Variants in MAST2 observed in about 807,000 individuals in gnomAD.
The protein encoded by MAST2 is microtubule associated serine/threonine kinase 2, also known as microtubule-associated serine/threonine-protein kinase 2.
A neutral mutation model predicts 147.4 loss-of-function variants in MAST2; 70 were observed. That is an observed-to-expected ratio of 0.47 (90% CI 0.39 to 0.58). MAST2 has a LOEUF of 0.58. MAST2 is among the 20% of genes least tolerant of loss of function. MAST2 has a pLI of 0.00. For missense variants in MAST2, 2,080 were observed against 2,302.3 expected (o/e 0.90, Z 1.98); for synonymous variants, 869 against 896.8 (o/e 0.97, Z 0.55).
At chr1:45,902,300 C>T (rs114493050) in intron 4 of MAST2, among the ~76,000 whole-genome samples, 4,667 of 152,100 alleles carry the variant, frequency 0.031, 234 homozygotes, top group African/African-American at 0.11. Flanking sequence ...GATTTGTGTA[C>T]GCTGAACCAT....
intron 4 of MAST2, among the ~76,000 whole-genome samples, chr1:45,911,661 T>C (rs1201401691): frequency 6.6e-6 from 1 of 152,036 alleles, no homozygotes; most frequent in African/African-American, 2.4e-5. Context: ...ACCATTGGCA[T>C]GATCTTAACT....
intron 15 of MAST2, 26 bp from the exon 16 acceptor site, chr1:46,025,651 C>G (rs750438479): frequency 1.9e-6 from 3 of 1,613,656 alleles, no homozygotes; most frequent in Non-Finnish European, 2.5e-6. Context: ...GAATCCTTTC[C>G]TCATGGTAGC....
intron 3 of MAST2, among the ~76,000 whole-genome samples, chr1:45,876,294 A>G (rs894007607): frequency 1.3e-5 from 2 of 152,240 alleles, no homozygotes; most frequent in Non-Finnish European, 2.9e-5. Context: ...AACTCATTCA[A>G]GAAGTGTGGT....
intron 5 of MAST2, among the ~76,000 whole-genome samples, chr1:45,987,974 A>T (rs1644716428): frequency 3.3e-5 from 5 of 151,672 alleles, no homozygotes; most frequent in Admixed American, 3.3e-4. Context: ...GTAGTGATAT[A>T]ATTTTCCCCC....
At chr1:45,909,675 G>A (rs907908281) in intron 4 of MAST2, among the ~76,000 whole-genome samples, 4 of 151,722 alleles carry the variant, frequency 2.6e-5, no homozygotes, top group African/African-American at 4.8e-5. Flanking sequence ...GCGCCCCCAC[G>A]CCCAGCTAAT....
Position 46,029,510 on chromosome 1 carries a change from G to A in MAST2, c.2263G>A (p.Ala755Thr), listed in dbSNP as rs748961829. The A allele has an allele frequency of 2.5e-6, 4 of 1,613,908 alleles. 1 individual carries two copies. Among genetic ancestry groups the A allele is most frequent in the East Asian group, 2.2e-5 (1 of 44,886 alleles). Residue 755 changes from alanine (A) to threonine (T), a missense_variant, in exon 19 of 29, where the codon GCC (alanine) becomes ACC (threonine). Ala to Thr is a moderately conservative substitution (Grantham distance 58). Coordinates refer to ENST00000361297, the MANE Select transcript of MAST2 (RefSeq NM_015112.3). The part of the protein sequence containing the change: ...PEGDEALPPD[A>T]QDLTSKLLHQ... ...GGGTGATGAGGCACTGCCCCCAGAC[G>A]CCCAGGACCTCACCTCCAAACTGCT...
intron 5 of MAST2, among the ~76,000 whole-genome samples, chr1:45,982,525 G>A (rs1223668780): frequency 6.6e-6 from 1 of 152,222 alleles, no homozygotes; most frequent in African/African-American, 2.4e-5. Flanking sequence ...GCTCAGTAGA[G>A]CTTCCTGGTT....
chr1:45,842,178 C>G (rs1645298203), intron 3 of MAST2, among the ~76,000 whole-genome samples: 1 of 152,132 alleles, frequency 6.6e-6, no homozygotes, highest in African/African-American at 2.4e-5. Flanking sequence ...GAATGAGCCA[C>G]TGTACCTGGC....
chr1:46,035,986 A>G lies in MAST2; in HGVS notation c.5317A>G (p.Arg1773Gly). The G allele has an allele frequency of 6.2e-7, 1 of 1,613,898 alleles. No individual in the cohort carries two copies. Among genetic ancestry groups the G allele is most frequent in the Non-Finnish European group, 8.5e-7 (1 of 1,180,040 alleles). ...CACCCAGAAGTCTGAGCCCAGCCTC[A>G]GGAGGGGCCAAGAACCAGGGGGCCA... Reference protein sequence around the residue: ...PLTQKSEPSLRRGQEPGGHQK... With the variant: ...PLTQKSEPSLGRGQEPGGHQK... Residue 1773 changes from arginine (R) to glycine (G), a missense_variant, in exon 29 of 29, where the codon AGG becomes GGG. Physicochemically the swap from Arg to Gly is moderately radical, Grantham distance 125. This residue lies in a region of MAST2 where 1,278 missense variants were observed against 1,304.2 expected (regional missense o/e 0.98). Coordinates refer to ENST00000361297, the MANE Select transcript of MAST2 (RefSeq NM_015112.3). The surrounding 1 kb of genome is among the most constrained non-coding windows in gnomAD (Gnocchi z 5.5).
intron 4 of MAST2, among the ~76,000 whole-genome samples, chr1:45,952,227 C>T (rs1659031787): frequency 6.6e-6 from 1 of 152,140 alleles, no homozygotes; most frequent in Non-Finnish European, 1.5e-5. Context: ...AGAATTTATG[C>T]ATGCCACAAC....
intron 6 of MAST2, 135 bp downstream of exon 6, chr1:45,997,934 C>CT: frequency 1.3e-6 from 1 of 766,294 alleles, no homozygotes. Context: ...CATCAAAACT[C>CT]TGTCTTTGCT....
chr1:45,814,261 G>T (rs1190827538), intron 1 of MAST2, among the ~76,000 whole-genome samples: 1 of 152,024 alleles, frequency 6.6e-6, no homozygotes, highest in African/African-American at 2.4e-5. Flanking sequence ...AAGTCCTTCA[G>T]TGTAATTCCA....
intron 4 of MAST2, among the ~76,000 whole-genome samples, chr1:45,902,219 T>C (rs900233109): frequency 3.3e-5 from 5 of 152,230 alleles, no homozygotes; most frequent in African/African-American, 1.2e-4. Context: ...TCAGATGCTT[T>C]TTCTGTGTCT....
intron 18 of MAST2, 24 bp downstream of exon 18, chr1:46,028,957 G>C: frequency 6.5e-7 from 1 of 1,533,364 alleles, no homozygotes; most frequent in Non-Finnish European, 8.7e-7. Flanking sequence ...CCCTGGCCCA[G>C]TGGGGAAACA....
intron 6 of MAST2, chr1:46,000,990 G>A: frequency 1.6e-6 from 2 of 1,289,474 alleles, no homozygotes; most frequent in Non-Finnish European, 2.0e-6. Flanking sequence ...GTAATAGCGG[G>A]TATAATGGGG....
chr1:45,827,306 A>G (rs545429534), intron 2 of MAST2, among the ~76,000 whole-genome samples: 33 of 152,206 alleles, frequency 2.2e-4, no homozygotes, highest in Non-Finnish European at 4.6e-4. Context: ...TTTATTTACT[A>G]AAGAGCTGCT....
chr1:45,884,593 G>C lies in MAST2; in HGVS notation c.500+2198G>C, dbSNP rs191174146. ...TAAATAAAAAAGCCTACTCTGTGCT[G>C]GGTAGAGTGATCTAAGTTCTGAGGC... On this transcript the variant is annotated intron_variant, in intron 4 of 28. Coordinates refer to ENST00000361297, the MANE Select transcript of MAST2 (RefSeq NM_015112.3). Among the ~76,000 whole-genome samples, 7 of 152,200 alleles carry C rather than the reference G, an allele frequency of 4.6e-5. No homozygotes were observed. In the East Asian group the frequency reaches 1.4e-3, roughly 29 times the overall value.
intron 8 of MAST2, among the ~76,000 whole-genome samples, chr1:46,007,401 G>T (rs1290072375): frequency 6.6e-6 from 1 of 152,178 alleles, no homozygotes; most frequent in Non-Finnish European, 1.5e-5. Flanking sequence ...AGGAACACCT[G>T]AGTCTTGGTG....
intron 7 of MAST2, among the ~76,000 whole-genome samples, chr1:46,004,486 G>A (rs1645404856): frequency 6.6e-6 from 1 of 152,004 alleles, no homozygotes; most frequent in South Asian, 2.1e-4. Context: ...CAGCTTATTA[G>A]GATTCTTTAA....
Sources: gnomAD v4.1 joint callset for allele counts (sites outside exome capture counted in the v4.1 genomes callset) on GRCh38, gnomAD v4.1.1 for gene constraint, gnomAD v4.1.1 regional missense constraint, Gnocchi (gnomAD v3.1) non-coding constraint, MANE v1.5 for transcripts, NCBI Gene and HGNC (gene_info 2026-07-23, HGNC 2026-07-21) for gene names.